ELMO1: variants seen among roughly 807,000 people sequenced by gnomAD.
The protein encoded by ELMO1 is engulfment and cell motility 1, also known as engulfment and cell motility protein 1.
Under a neutral mutation model 98.9 loss-of-function variants are expected in ELMO1, and 26 were observed. The ratio of observed to expected loss-of-function variants is 0.26; its 90% CI spans 0.19 to 0.36. ELMO1 has a LOEUF of 0.36. Ranked by LOEUF, ELMO1 falls within the 10% of genes least tolerant of loss-of-function variation. The pLI is 1.00. For synonymous variants in ELMO1, 346 were observed against 346.0 expected, an observed-to-expected ratio of 1.00 and a Z score of 0.00; for missense variants, 627 against 935.2, an observed-to-expected ratio of 0.67 and a Z score of 4.30.
intron 1 of ELMO1, among the ~76,000 whole-genome samples, chr7:37,446,976 G>T (rs1004057154): frequency 2.0e-5 from 3 of 152,142 alleles, no homozygotes; most frequent in Admixed American, 2.0e-4. Context: ...TTCTGCAGGG[G>T]ATCTGGCCTC....
intron 4 of ELMO1, among the ~76,000 whole-genome samples, chr7:37,284,772 T>C (rs1049442727): frequency 9.7e-6 from 1 of 103,504 alleles, no homozygotes; most frequent in African/African-American, 4.0e-5. Context: ...CAAAACGGTT[T>C]AAAGAAAAAA....
Position 37,196,745 on chromosome 7 carries a change from C to T in ELMO1, c.1086+14641G>A, listed in dbSNP as rs543075644. On this transcript the variant is annotated intron_variant, in intron 13 of 21. Transcript: ENST00000310758. ...CATATGTCTCCTTGTGCTGCTGAAA[C>T]ACTGCAGCTATTGTGGGCAGGTTTC... 6.6e-5 allele frequency among the ~76,000 whole-genome samples: 10 copies of T among 152,350 alleles called. No homozygotes were observed. In the East Asian group the frequency reaches 1.7e-3, roughly 26 times the overall value.
intron 16 of ELMO1, among the ~76,000 whole-genome samples, chr7:36,960,411 A>T (rs181406869): frequency 1.9e-3 from 288 of 152,036 alleles, no homozygotes; most frequent in African/African-American, 6.5e-3. Flanking sequence ...ATTTTATTTT[A>T]TTTTTTGCCT....
chr7:37,267,276 T>G (rs1454756897), intron 5 of ELMO1, among the ~76,000 whole-genome samples: 1 of 152,190 alleles, frequency 6.6e-6, no homozygotes, highest in African/African-American at 2.4e-5. Context: ...TGGCATACTT[T>G]AGGGATACCT....
At chr7:37,356,798 G>A (rs1172345352) in intron 1 of ELMO1, among the ~76,000 whole-genome samples, 4 of 151,152 alleles carry the variant, frequency 2.6e-5, no homozygotes, top group African/African-American at 9.7e-5. Context: ...CAATGGATAG[G>A]AAGACAAATT....
rs138525841 is a variant in ELMO1, at chr7:37,102,230, G to A, written c.1192-5503C>T. ...GTCACTTCTCCTTCATTCTCCCTTG[G>A]TGCCAATGCTAATGATGATTGGTCC... is the stretch of plus-strand genomic sequence containing the variant. On this transcript the variant is annotated intron_variant, in intron 14 of 21. Coordinates refer to ENST00000310758, the MANE Select transcript of ELMO1 (RefSeq NM_014800.11). 1.5e-3 allele frequency among the ~76,000 whole-genome samples: 228 copies of A among 152,158 alleles called. 2 individuals carry two copies. The highest frequency in any genetic ancestry group is 0.01 in the South Asian group (50 of 4,816).
chr7:37,212,749 A>T (rs1490828565), intron 12 of ELMO1, among the ~76,000 whole-genome samples: 9 of 152,212 alleles, frequency 5.9e-5, no homozygotes. Context: ...GTGCTACGGC[A>T]GGGCTCCCAG....
intron 16 of ELMO1, among the ~76,000 whole-genome samples, chr7:36,997,216 G>A (rs1435795233): frequency 1.3e-5 from 2 of 152,214 alleles, no homozygotes; most frequent in African/African-American, 4.8e-5. Context: ...TGATTCTTGA[G>A]AGGAATGATT....
intron 13 of ELMO1, among the ~76,000 whole-genome samples, chr7:37,146,038 C>G (rs1227300091): frequency 1.3e-5 from 2 of 152,076 alleles, no homozygotes; most frequent in African/African-American, 4.8e-5. Context: ...CTGAAAATCC[C>G]CTGGGGAGCT....
At chr7:37,166,534 T>C (rs1271456030) in intron 13 of ELMO1, among the ~76,000 whole-genome samples, 4 of 152,208 alleles carry the variant, frequency 2.6e-5, no homozygotes, top group Admixed American at 6.5e-5. Flanking sequence ...TCTGGTATGT[T>C]GTGTCTTTGT....
rs112547730 is a variant in ELMO1, at chr7:37,116,880, G to T, written c.1191+16250C>A. 1,071 of 201,302 alleles carry T rather than the reference G, an allele frequency of 5.3e-3. 10 individuals carry two copies. Among genetic ancestry groups the T allele is most frequent in the African/African-American group, 0.023 (1,008 of 43,174 alleles). The allele number at this position is 201,302 out of a possible 1,614,324, so 12.5% of individuals were successfully genotyped here. ...TGACTTCCACAGGAACGAGTGTGTG[G>T]GCAAGGAGATCACCATTATCTCTGG... On this transcript the variant is annotated intron_variant, in intron 14 of 21. Coordinates refer to ENST00000310758, the MANE Select transcript of ELMO1 (RefSeq NM_014800.11).
rs1041382314 is a variant in ELMO1, at chr7:37,364,774, C to G, written c.-73-22011G>C. ...GGTACCAGACAACTAAGGATATCGG[C>G]TTTTCTATTACCATTGATAGAAAGA... On this transcript the variant is annotated intron_variant, in intron 1 of 21. Transcript: ENST00000310758. Among the ~76,000 whole-genome samples, 5 of 152,242 alleles carry G rather than the reference C, an allele frequency of 3.3e-5. No homozygotes were observed. In the South Asian group the frequency reaches 1.0e-3, roughly 32 times the overall value.
At chr7:37,292,888 C>A (rs377758522) in intron 4 of ELMO1, among the ~76,000 whole-genome samples, 2 of 102,268 alleles carry the variant, frequency 2.0e-5, no homozygotes, top group East Asian at 3.0e-4. Flanking sequence ...CCCCTCTGCC[C>A]GGCCAGCCGC....
At chr7:37,160,318 A>T (rs1175888299) in intron 13 of ELMO1, among the ~76,000 whole-genome samples, 1 of 152,228 alleles carries the variant, frequency 6.6e-6, no homozygotes, top group Non-Finnish European at 1.5e-5. Context: ...TGTTTCTCTA[A>T]GAAATATTAA....
chr7:37,436,200 CTT>C, intron 1 of ELMO1, among the ~76,000 whole-genome samples: 1 of 152,280 alleles, frequency 6.6e-6, no homozygotes. Flanking sequence ...TCTAAGTCTT[CTT>C]ATGGGTCTTT....
rs1223317694 is a variant in ELMO1 at position 37,096,673 on chromosome 7, T to C, written c.1246A>G (p.Ser416Gly). The C allele has an allele frequency of 6.2e-7, 1 of 1,614,168 alleles. No homozygotes were observed. ...EDKHECPFGR[S>G]SIELTKMLCE... ...AGCATCTTGGTCAGCTCTATACTAC[T>C]GCGGCCAAAGGGACATTCATGCTTG... Residue 416 changes from serine to glycine, a missense_variant, in exon 15 of 22, where the codon AGT becomes GGT. By Grantham distance (56) the Ser-to-Gly change is moderately conservative (BLOSUM62 0). Coordinates refer to ENST00000310758, the MANE Select transcript of ELMO1 (RefSeq NM_014800.11).
chr7:36,880,796 C>T (rs1804388030), intron 18 of ELMO1, among the ~76,000 whole-genome samples: 2 of 152,184 alleles, frequency 1.3e-5, no homozygotes, highest in Non-Finnish European at 2.9e-5. Context: ...TTCTTACATA[C>T]AGTAATGATC....
intron 6 of ELMO1, among the ~76,000 whole-genome samples, chr7:37,258,270 A>G (rs1014407417): frequency 7.5e-6 from 1 of 133,240 alleles, no homozygotes; most frequent in African/African-American, 2.9e-5. Context: ...CCATCTACCA[A>G]AAACAAAAAA....
At chr7:37,325,241 C>T (rs1799738974) in intron 2 of ELMO1, among the ~76,000 whole-genome samples, 1 of 152,226 alleles carries the variant, frequency 6.6e-6, no homozygotes, top group South Asian at 2.1e-4. Flanking sequence ...TTCTTAAATT[C>T]ATCTTCTTGT....
Sources: allele counts gnomAD v4.1 joint callset (sites outside exome capture counted in the v4.1 genomes callset), GRCh38; gene constraint gnomAD v4.1.1; transcripts MANE v1.5; gene names NCBI Gene and HGNC (gene_info 2026-07-23, HGNC 2026-07-21).